MYLK: variants seen among roughly 807,000 people sequenced by gnomAD.
The protein encoded by MYLK is myosin light chain kinase, also known as myosin light chain kinase, smooth muscle.
Under a neutral mutation model 203.4 loss-of-function variants are expected in MYLK, and 106 were observed. The ratio of observed to expected loss-of-function variants is 0.52; its 90% confidence interval spans 0.45 to 0.61. MYLK has a LOEUF of 0.61. MYLK is among the 20% of genes least tolerant of loss of function. The probability of loss-of-function intolerance (pLI) is 0.00; values close to 1 mark genes in which losing one functional copy is unlikely to be tolerated. For synonymous variants in MYLK, 867 were observed against 959.5 expected (o/e 0.90, Z 1.78); for missense variants, 2,072 against 2,442.3 (o/e 0.85, Z 3.20).
rs763825048 is a variant in MYLK at position 123,620,206 on chromosome 3, C to T, written c.5368+1G>A. 2.5e-6 allele frequency: 4 copies of T among 1,613,636 alleles called. No homozygotes were observed. Among genetic ancestry groups the T allele is most frequent in the African/African-American group, 2.7e-5 (2 of 74,902 alleles). ...AGCTGGCTGGAGAAACTCCTCCTTA[C>T]CTTCAGATTCTAGTTTTTCTGCATT... On this transcript the variant is annotated splice_donor_variant, in intron 32 of 33. Coordinates refer to ENST00000360304, the MANE Select transcript of MYLK (RefSeq NM_053025.4). LOFTEE classifies it high-confidence loss of function.
intron 13 of MYLK, 117 bp from the exon 14 acceptor site, chr3:123,710,010 C>T: frequency 1.5e-6 from 2 of 1,334,182 alleles, no homozygotes; most frequent in Non-Finnish European, 2.1e-6. Context: ...CAGAAACTGG[C>T]AGCTAACAGA....
At chr3:123,664,393 T>G in intron 22 of MYLK, 135 bp from the exon 23 acceptor site, 2 of 1,234,940 alleles carry the variant, frequency 1.6e-6, no homozygotes, top group East Asian at 4.9e-5. Context: ...TGGTCTGGAC[T>G]CTGCCCTTCT....
intron 1 of MYLK, among the ~76,000 whole-genome samples, chr3:123,882,719 G>C (rs1011769948): frequency 6.6e-6 from 1 of 152,112 alleles, no homozygotes; most frequent in Admixed American, 6.5e-5. Context: ...TCCGGACCCA[G>C]GACCAACTGC....
chr3:123,719,065 A>G (rs2332593), intron 13 of MYLK, among the ~76,000 whole-genome samples: 1 of 152,112 alleles, frequency 6.6e-6, no homozygotes, highest in Non-Finnish European at 1.5e-5. Flanking sequence ...CTGAGGAGGG[A>G]AGGCAGAGAA....
At chr3:123,747,505 A>G (rs1301186867) in intron 5 of MYLK, among the ~76,000 whole-genome samples, 2 of 152,186 alleles carry the variant, frequency 1.3e-5, no homozygotes, top group African/African-American at 4.8e-5. Context: ...ATTCTGATGC[A>G]TGCTCAAGTT....
chr3:123,712,157 G>A (rs1056446836), intron 13 of MYLK, among the ~76,000 whole-genome samples: 3 of 152,318 alleles, frequency 2.0e-5, no homozygotes, highest in South Asian at 4.1e-4. Flanking sequence ...CGCAGCCTTC[G>A]ATGGAGGGCC....
intron 19 of MYLK, among the ~76,000 whole-genome samples, chr3:123,685,533 G>A (rs1319375474): frequency 6.7e-6 from 1 of 150,160 alleles, no homozygotes; most frequent in Non-Finnish European, 1.5e-5. Flanking sequence ...GCTTGAGGCT[G>A]CAATGATCGT....
At chr3:123,823,020 A>T (rs2065989017) in intron 3 of MYLK, among the ~76,000 whole-genome samples, 1 of 152,218 alleles carries the variant, frequency 6.6e-6, no homozygotes, top group Non-Finnish European at 1.5e-5. Context: ...ATATGAAAGC[A>T]GGAAATCACC....
In MYLK at chr3:123,879,720, C is replaced by T. The variant is rs1372050245; in HGVS notation, c.-185-3103G>A. On this transcript the variant is annotated intron_variant, in intron 1 of 33. Transcript: ENST00000360304. The stretch of plus-strand genomic sequence containing the variant: ...CGCCATCTTGGCTCACTGCAAGCTC[C>T]GCCTCCTGGGTTCATGCCATTCTCC... Among the ~76,000 whole-genome samples the T allele has an allele frequency of 4.6e-5, 7 of 152,152 alleles. No individual in the cohort carries two copies. In the South Asian group the frequency reaches 6.2e-4, roughly 14 times the overall value.
chr3:123,832,339 C>G (rs907071550), intron 2 of MYLK, among the ~76,000 whole-genome samples: 9 of 152,222 alleles, frequency 5.9e-5, no homozygotes, highest in African/African-American at 1.9e-4. Context: ...GAAAATCTCA[C>G]TTCTTAAGAG....
chr3:123,664,069 G>T (rs755166592), intron 23 of MYLK, 36 bp downstream of exon 23: 1 of 1,613,206 alleles, frequency 6.2e-7, no homozygotes, highest in South Asian at 1.1e-5. Context: ...CCTTCCCCTT[G>T]CCCCAAGCTC....
At chr3:123,781,481 C>T (rs2064296542) in intron 4 of MYLK, among the ~76,000 whole-genome samples, 1 of 152,228 alleles carries the variant, frequency 6.6e-6, no homozygotes, top group Non-Finnish European at 1.5e-5. Context: ...GCATATCTTT[C>T]CCCAAGTGCT....
intron 20 of MYLK, among the ~76,000 whole-genome samples, chr3:123,676,713 A>T (rs2060082269): frequency 6.6e-6 from 1 of 152,216 alleles, no homozygotes; most frequent in African/African-American, 2.4e-5. Context: ...GGAGGCAGGG[A>T]CCCTTGGAGC....
rs540517633 is a variant in MYLK at position 123,750,982 on chromosome 3, A to AG, written c.373+1348dup. On this transcript the variant is annotated intron_variant, in intron 5 of 33. Transcript: ENST00000360304. ...TGGCCCTTCTGTGGTGTGGGGAGAC[A>AG]GGGAAAACAGGGCAAAGGGCGGCCA... Among the ~76,000 whole-genome samples the AG allele has an allele frequency of 4.5e-3, 691 of 152,356 alleles. 5 individuals carry two copies. The highest frequency in any genetic ancestry group is 8.3e-3 in the Non-Finnish European group (566 of 68,034).
At chr3:123,856,413 CAT>C (rs2031379058) in intron 2 of MYLK, among the ~76,000 whole-genome samples, 1 of 152,210 alleles carries the variant, frequency 6.6e-6, no homozygotes, top group South Asian at 2.1e-4. Context: ...GGTTATTTCA[CAT>C]GTGTGCTTCT....
intron 19 of MYLK, among the ~76,000 whole-genome samples, chr3:123,690,966 TA>T (rs368227201): frequency 0.034 from 5,098 of 149,492 alleles, 99 homozygotes; most frequent in Middle Eastern, 0.083. Flanking sequence ...CCCCAAACCT[TA>T]AAAAAAAAAT....
intron 32 of MYLK, 75 bp from the exon 33 acceptor site, chr3:123,618,845 AC>A: frequency 6.3e-7 from 1 of 1,594,904 alleles, no homozygotes; most frequent in South Asian, 1.1e-5. Flanking sequence ...AAAGAAACTA[AC>A]TTTTAAAAAA....
At chr3:123,814,716 C>T (rs1577052483) in intron 3 of MYLK, among the ~76,000 whole-genome samples, 1 of 152,164 alleles carries the variant, frequency 6.6e-6, no homozygotes, top group Non-Finnish European at 1.5e-5. Flanking sequence ...AATGATGCCC[C>T]TGTTATTTAC....
intron 14 of MYLK, chr3:123,709,380 A>G (rs1212176264): frequency 3.3e-6 from 1 of 300,574 alleles, no homozygotes. Context: ...TGACCTTGTG[A>G]TCTGCTGCCT....
Sources: allele counts gnomAD v4.1 joint callset (sites outside exome capture counted in the v4.1 genomes callset), GRCh38; gene constraint gnomAD v4.1.1; transcripts MANE v1.5; gene names NCBI Gene and HGNC (gene_info 2026-07-23, HGNC 2026-07-21).